SLC13A3: variants seen among roughly 807,000 people sequenced by gnomAD.
The protein encoded by SLC13A3 is Na(+)/dicarboxylate cotransporter 3.
In SLC13A3, 40 loss-of-function variants were observed where a neutral mutation model predicts 59.0. The ratio of observed to expected loss-of-function variants is 0.68; its 90% CI spans 0.53 to 0.88. The LOEUF (loss-of-function observed/expected upper bound fraction) is 0.88. Among genes scored for constraint, SLC13A3 ranks in the 40% least tolerant of loss-of-function variants. The probability of loss-of-function intolerance (pLI) is 0.00; values close to 1 mark genes in which losing one functional copy is unlikely to be tolerated. For missense variants in SLC13A3, 699 were observed against 783.2 expected (o/e 0.89, Z 1.28); for synonymous variants, 317 against 330.3 (o/e 0.96, Z 0.44).
chr20:46,638,593 G>A (rs2062817412), intron 1 of SLC13A3, among the ~76,000 whole-genome samples: 1 of 152,222 alleles, frequency 6.6e-6, no homozygotes, highest in Middle Eastern at 3.2e-3. Flanking sequence ...TGCCTGGAAT[G>A]CCCTGCATTT....
chr20:46,656,255 AC>A (rs1422694793), upstream of SLC13A3, among the ~76,000 whole-genome samples: 1 of 138,128 alleles, frequency 7.2e-6, no homozygotes, highest in Non-Finnish European at 1.5e-5. Context: ...TATACTGTAT[AC>A]TTATATAGAC....
intron 1 of SLC13A3, among the ~76,000 whole-genome samples, chr20:46,650,192 G>A (rs2062939072): frequency 6.6e-6 from 1 of 152,102 alleles, no homozygotes; most frequent in Admixed American, 6.5e-5. Flanking sequence ...GTTGATTTCA[G>A]TTATGACTCC....
At chr20:46,631,276 T>C (rs2122812617) in intron 1 of SLC13A3, among the ~76,000 whole-genome samples, 1 of 152,290 alleles carries the variant, frequency 6.6e-6, no homozygotes, top group East Asian at 1.9e-4. Flanking sequence ...TAAAGAATTA[T>C]TTGTTCCAAT....
chr20:46,585,397 C>G, intron 8 of SLC13A3: 2 of 996,568 alleles, frequency 2.0e-6, no homozygotes, highest in Non-Finnish European at 1.2e-6. Flanking sequence ...GTATGCATAA[C>G]TTTTGAAATT....
intron 10 of SLC13A3, among the ~76,000 whole-genome samples, chr20:46,568,453 T>C (rs1272506519): frequency 3.2e-5 from 4 of 124,876 alleles, no homozygotes; most frequent in Non-Finnish European, 7.2e-5. Flanking sequence ...AGTTTTTACA[T>C]AAATAAAATA....
intron 1 of SLC13A3, among the ~76,000 whole-genome samples, chr20:46,621,586 T>C (rs1157050714): frequency 1.3e-5 from 2 of 152,194 alleles, no homozygotes; most frequent in Non-Finnish European, 2.9e-5. Context: ...ATCTTATAGA[T>C]GGTTCTGGAA....
At chr20:46,616,017 A>G (rs564765177) in intron 1 of SLC13A3, among the ~76,000 whole-genome samples, 2 of 152,342 alleles carry the variant, frequency 1.3e-5, no homozygotes, top group Non-Finnish European at 2.9e-5. Flanking sequence ...TCAACTTGGA[A>G]TGAATATCCC....
chr20:46,565,604 A>G (rs1358200675), intron 11 of SLC13A3, among the ~76,000 whole-genome samples: 1 of 152,060 alleles, frequency 6.6e-6, no homozygotes, highest in African/African-American at 2.4e-5. Flanking sequence ...GATTACAGGC[A>G]TGAGTGGCAG....
At chr20:46,642,587 T>C (rs2062855213) in intron 1 of SLC13A3, among the ~76,000 whole-genome samples, 1 of 152,154 alleles carries the variant, frequency 6.6e-6, no homozygotes, top group Non-Finnish European at 1.5e-5. Context: ...TCAGGACTCT[T>C]CCTGCTCCTG....
At chr20:46,618,801 G>A (rs541031517) in intron 1 of SLC13A3, among the ~76,000 whole-genome samples, 19 of 152,254 alleles carry the variant, frequency 1.2e-4, no homozygotes, top group Non-Finnish European at 1.8e-4. Context: ...TCCGTCTCTC[G>A]CTTCAGTGCC....
intron 2 of SLC13A3, among the ~76,000 whole-genome samples, chr20:46,612,124 CT>C (rs57019153): frequency 0.018 from 1,263 of 68,902 alleles, 2 homozygotes; most frequent in African/African-American, 0.04. Context: ...TCTCTCTTTG[CT>C]TTTTTTTTTT....
chr20:46,611,701 G>A (rs1034657345), intron 2 of SLC13A3, among the ~76,000 whole-genome samples: 5 of 151,998 alleles, frequency 3.3e-5, no homozygotes, highest in Admixed American at 6.6e-5. Context: ...GTCTCTTGTC[G>A]GGACACTCTA....
intron 1 of SLC13A3, among the ~76,000 whole-genome samples, chr20:46,637,253 G>A (rs181132883): frequency 5.0e-4 from 76 of 151,476 alleles, no homozygotes; most frequent in South Asian, 2.1e-3. Context: ...GGAAAGGCCC[G>A]GCCTGTTTCC....
chr20:46,629,548 C>T (rs1341273803), intron 1 of SLC13A3, among the ~76,000 whole-genome samples: 23 of 152,110 alleles, frequency 1.5e-4, no homozygotes. Context: ...CCTTTGTCTT[C>T]CATACTAATT....
At chr20:46,606,279 T>C (rs1234262475) in intron 3 of SLC13A3, among the ~76,000 whole-genome samples, 1 of 152,182 alleles carries the variant, frequency 6.6e-6, no homozygotes, top group African/African-American at 2.4e-5. Flanking sequence ...GTCTCATAGG[T>C]AGTTTTTAAT....
At chr20:46,645,447 C>T (rs890712448) in intron 1 of SLC13A3, among the ~76,000 whole-genome samples, 2 of 152,216 alleles carry the variant, frequency 1.3e-5, no homozygotes, top group Non-Finnish European at 2.9e-5. Context: ...GCAAGAAGGC[C>T]ATCCATGTAC....
In SLC13A3 at chr20:46,559,968, G is replaced by A. The variant is rs904408284; in HGVS notation, c.*54C>T. 6.6e-7 allele frequency: 1 copy of A among 1,521,126 alleles called. No individual in the cohort carries two copies. Among genetic ancestry groups the A allele is most frequent in the Non-Finnish European group, 9.1e-7 (1 of 1,100,136 alleles). 94.2% of individuals were successfully genotyped at this position (1,521,126 alleles called of 1,614,324 possible). On this transcript the variant is annotated 3_prime_UTR_variant, in exon 13 of 13. Coordinates refer to ENST00000279027, the MANE Select transcript of SLC13A3 (RefSeq NM_022829.6). ...GTTTTGTAGTGTCCTAGCAGCAGGT[G>A]ATGGTGACAGCCCTTTGAGAGGGTT... is the stretch of plus-strand genomic sequence containing the variant.
intron 3 of SLC13A3, among the ~76,000 whole-genome samples, chr20:46,602,548 TC>T (rs1458187502): frequency 6.6e-6 from 1 of 152,022 alleles, no homozygotes; most frequent in African/African-American, 2.4e-5. Flanking sequence ...AAATCCTAGC[TC>T]CATCACTTAC....
Position 46,651,348 on chromosome 20 carries a change from A to G in SLC13A3, c.74T>C (p.Leu25Pro). 1.3e-6 allele frequency: 2 copies of G among 1,514,666 alleles called. No homozygotes were observed. The highest frequency in any genetic ancestry group is 1.8e-6 in the Non-Finnish European group (2 of 1,133,746). 93.8% of individuals were successfully genotyped at this position (1,514,666 alleles called of 1,614,324 possible). Residue 25 changes from leucine to proline, a missense_variant, in exon 1 of 13, where the codon CTC becomes CCC. Coordinates refer to ENST00000279027, the MANE Select transcript of SLC13A3 (RefSeq NM_022829.6). Reference protein sequence around the residue: ...RRLLVLLFTPLALLPVVFALP... With the variant: ...RRLLVLLFTPPALLPVVFALP... ...GGCGAAGACCACCGGCAGCAGCGCG[A>G]GCGGCGTGAACAGCAGCACCAGCAG...
Sources: allele counts gnomAD v4.1 joint callset (sites outside exome capture counted in the v4.1 genomes callset), GRCh38; gene constraint gnomAD v4.1.1; transcripts MANE v1.5; gene names NCBI Gene and HGNC (gene_info 2026-07-23, HGNC 2026-07-21).